The following UBE2G1 variants were observed in gnomAD, a reference collection of about 807,000 sequenced individuals.
UBE2G1 encodes ubiquitin conjugating enzyme E2 G1, also known as ubiquitin-conjugating enzyme E2 G1.
A neutral mutation model predicts 22.7 loss-of-function variants in UBE2G1; 5 were observed. That is an observed-to-expected ratio of 0.22 (90% confidence interval 0.12 to 0.46). The LOEUF is 0.46. Ranked by LOEUF, UBE2G1 falls within the 20% of genes least tolerant of loss-of-function variation. The pLI is 0.99. For missense variants in UBE2G1, 88 were observed against 203.9 expected (o/e 0.43, Z 3.46); for synonymous variants, 74 against 67.5 (o/e 1.10, Z -0.47).
rs559836444 is a variant in UBE2G1, at chr17:4,319,380, T to C, written c.47-12257A>G. ...GCCTCAGATTTCTCCACAATACTCA[T>C]TGTAGGTAAGTAACAGTGACGTGAA... On this transcript the variant is annotated intron_variant, in intron 1 of 5. Coordinates refer to ENST00000396981, the MANE Select transcript of UBE2G1 (RefSeq NM_003342.5). Among the ~76,000 whole-genome samples, 112 of 152,238 alleles carry C rather than the reference T, an allele frequency of 7.4e-4. 1 individual carries two copies. The Middle Eastern group carries it at 0.017, about 23-fold the overall frequency.
At chr17:4,293,973 A>G (rs992426193) in intron 3 of UBE2G1, among the ~76,000 whole-genome samples, 2 of 152,190 alleles carry the variant, frequency 1.3e-5, no homozygotes, top group African/African-American at 4.8e-5. Flanking sequence ...TCAAGAAGGA[A>G]AATATAAGAG....
intron 1 of UBE2G1, among the ~76,000 whole-genome samples, chr17:4,358,852 G>A (rs1341237581): frequency 6.6e-6 from 1 of 152,158 alleles, no homozygotes; most frequent in African/African-American, 2.4e-5. Flanking sequence ...TCGGGAGGCT[G>A]CAGTGGGAGA....
At chr17:4,316,614 A>T (rs8068080) in intron 1 of UBE2G1, among the ~76,000 whole-genome samples, 5,157 of 152,254 alleles carry the variant, frequency 0.034, 325 homozygotes, top group African/African-American at 0.12. Context: ...TTTCTGGTAA[A>T]CTTTAAAAAT....
intron 2 of UBE2G1, 63 bp from the exon 3 acceptor site, chr17:4,296,877 TAAAACAAATATAAAACAAGG>T: frequency 1.4e-6 from 2 of 1,406,840 alleles, no homozygotes; most frequent in South Asian, 2.4e-5. Flanking sequence ...ATAGAAGTGT[TAAAACAAATATAAAACAAGG>T]GTGCTAGCAC....
chr17:4,365,864 A>C (rs1196738314), intron 1 of UBE2G1, among the ~76,000 whole-genome samples: 2 of 152,068 alleles, frequency 1.3e-5, no homozygotes, highest in Admixed American at 1.3e-4. Context: ...TCGCAGCCGC[A>C]CTGGGTCCGG....
intron 5 of UBE2G1, among the ~76,000 whole-genome samples, chr17:4,276,878 C>T (rs188058117): frequency 6.6e-6 from 1 of 152,168 alleles, no homozygotes; most frequent in Non-Finnish European, 1.5e-5. Context: ...GTTAGAATGA[C>T]CTTCCCGAGA....
At chr17:4,273,816 A>T (rs1007682481) in intron 5 of UBE2G1, among the ~76,000 whole-genome samples, 2 of 152,220 alleles carry the variant, frequency 1.3e-5, no homozygotes, top group African/African-American at 4.8e-5. Flanking sequence ...CTCTGAATCC[A>T]TTGCCATGCA....
rs184432621 is a variant in UBE2G1, at chr17:4,339,368, G to A, written c.46+26903C>T. On this transcript the variant is annotated intron_variant, in intron 1 of 5. Transcript: ENST00000396981. ...TGCCCAGGCTGGAGTGCAGTGGTGC[G>A]ATCTTGGCTCCCTGCAACCTTCGAC... is the stretch of plus-strand genomic sequence containing the variant. 2.9e-3 allele frequency among the ~76,000 whole-genome samples: 438 copies of A among 151,590 alleles called. 2 individuals are homozygous for A. Among genetic ancestry groups the A allele is most frequent in the African/African-American group, 1.0e-2 (412 of 41,282 alleles).
chr17:4,298,686 T>C (rs1013559123), intron 2 of UBE2G1, among the ~76,000 whole-genome samples: 3 of 152,138 alleles, frequency 2.0e-5, no homozygotes, highest in Non-Finnish European at 4.4e-5. Flanking sequence ...TGTAAAGGGT[T>C]AAAGAACAGG....
At chr17:4,329,364 A>G (rs1393180938) in intron 1 of UBE2G1, among the ~76,000 whole-genome samples, 4 of 151,760 alleles carry the variant, frequency 2.6e-5, no homozygotes, top group Admixed American at 1.3e-4. Flanking sequence ...GCACCATTGC[A>G]CTCCAGCCTG....
chr17:4,307,202 T>A, intron 1 of UBE2G1, 79 bp from the exon 2 acceptor site: 1 of 1,226,204 alleles, frequency 8.2e-7, no homozygotes, highest in Non-Finnish European at 1.2e-6. Flanking sequence ...AACTTGAGCG[T>A]ACATGTTTTA....
intron 5 of UBE2G1, among the ~76,000 whole-genome samples, chr17:4,279,275 C>CAAAAAAA: frequency 7.6e-6 from 1 of 131,614 alleles, no homozygotes; most frequent in African/African-American, 2.9e-5. Flanking sequence ...AACTCCATCT[C>CAAAAAAA]AAAAAAAAAA....
At chr17:4,333,418 T>C (rs1391091635) in intron 1 of UBE2G1, among the ~76,000 whole-genome samples, 4 of 152,204 alleles carry the variant, frequency 2.6e-5, no homozygotes, top group African/African-American at 9.6e-5. Context: ...TGGCTCTGTC[T>C]GTGATCCCAG....
intron 4 of UBE2G1, among the ~76,000 whole-genome samples, chr17:4,286,254 A>T (rs1438345951): frequency 1.3e-5 from 2 of 151,786 alleles, no homozygotes; most frequent in Non-Finnish European, 2.9e-5. Context: ...AAACTACAAA[A>T]ATTAGCCAGG....
intron 4 of UBE2G1, among the ~76,000 whole-genome samples, chr17:4,283,859 G>A (rs1053935008): frequency 5.3e-5 from 8 of 152,028 alleles, no homozygotes; most frequent in Non-Finnish European, 1.2e-4. Flanking sequence ...TGAATAAAAA[G>A]TGGGGCTGAG....
chr17:4,356,856 T>C (rs1969911575), intron 1 of UBE2G1, among the ~76,000 whole-genome samples: 1 of 152,200 alleles, frequency 6.6e-6, no homozygotes, highest in African/African-American at 2.4e-5. Context: ...TGAAAAAGGA[T>C]TGATAATAAT....
chr17:4,303,673 G>A (rs1315198454), intron 2 of UBE2G1, among the ~76,000 whole-genome samples: 2 of 152,182 alleles, frequency 1.3e-5, no homozygotes, highest in Non-Finnish European at 2.9e-5. Context: ...CTTCATTACA[G>A]AAGAGATGGC....
chr17:4,278,093 T>C (rs948338057), intron 5 of UBE2G1, among the ~76,000 whole-genome samples: 5 of 152,192 alleles, frequency 3.3e-5, no homozygotes, highest in Admixed American at 6.5e-5. Context: ...GGAGACGGGG[T>C]TTCACCATGT....
rs142917153 is a variant in UBE2G1, at chr17:4,286,751, A to C, written c.426+2479T>G. Among the ~76,000 whole-genome samples, 735 of 152,182 alleles carry C rather than the reference A, an allele frequency of 4.8e-3. 5 individuals carry two copies. The highest frequency in any genetic ancestry group is 0.017 in the African/African-American group (690 of 41,508). On this transcript the variant is annotated intron_variant, in intron 4 of 5. Transcript: ENST00000396981. ...TTGGCTATTAATTTACTCTTCTTTA[A>C]GATAAAAGGGCCAGGTGCAGTAGCT...
Sources: allele counts gnomAD v4.1 joint callset (sites outside exome capture counted in the v4.1 genomes callset), GRCh38; gene constraint gnomAD v4.1.1; transcripts MANE v1.5; gene names NCBI Gene and HGNC (gene_info 2026-07-23, HGNC 2026-07-21).